Variants in LMTK2 observed in about 807,000 individuals in gnomAD.
LMTK2 encodes the protein serine/threonine-protein kinase LMTK2.
LMTK2 carries 37 observed loss-of-function variants against 127.5 expected under a neutral mutation model. The observed-to-expected ratio is 0.29, with a 90% CI of 0.22 to 0.38. LMTK2 has a LOEUF of 0.38. Among genes scored for constraint, LMTK2 ranks in the 10% least tolerant of loss-of-function variants. LMTK2 has a pLI of 1.00. For missense variants in LMTK2, 1,694 were observed against 1,920.3 expected, an observed-to-expected ratio of 0.88 and a Z score of 2.20; for synonymous variants, 819 against 810.1, an observed-to-expected ratio of 1.01 and a Z score of -0.19.
chr7:98,132,596 A>G (rs1170367084), intron 1 of LMTK2, among the ~76,000 whole-genome samples: 1 of 152,058 alleles, frequency 6.6e-6, no homozygotes, highest in Non-Finnish European at 1.5e-5. Flanking sequence ...TGAAGTATCT[A>G]GTCTGCCTTT....
At chr7:98,180,501 A>G (rs1797340092) in intron 7 of LMTK2, among the ~76,000 whole-genome samples, 1 of 152,244 alleles carries the variant, frequency 6.6e-6, no homozygotes. Context: ...GTTCCTTTAG[A>G]AAAAGTAGTT....
chr7:98,164,407 G>A (rs1797062405), intron 6 of LMTK2, among the ~76,000 whole-genome samples: 2 of 152,184 alleles, frequency 1.3e-5, no homozygotes, highest in Non-Finnish European at 2.9e-5. Flanking sequence ...CTGCTCGGAT[G>A]TTCATTCTGC....
intron 3 of LMTK2, among the ~76,000 whole-genome samples, chr7:98,142,733 G>A (rs1237282655): frequency 1.3e-5 from 2 of 152,226 alleles, no homozygotes; most frequent in African/African-American, 2.4e-5. Flanking sequence ...GACCCAGACC[G>A]TAGGAAGAAC....
At chr7:98,190,945 A>T in intron 10 of LMTK2, 68 bp downstream of exon 10, 1 of 1,456,924 alleles carries the variant, frequency 6.9e-7, no homozygotes, top group Non-Finnish European at 9.5e-7. Context: ...AACACAAAAA[A>T]ATTCGTGGGC....
intron 11 of LMTK2, among the ~76,000 whole-genome samples, chr7:98,195,425 G>A (rs1250891933): frequency 6.6e-6 from 1 of 151,954 alleles, no homozygotes; most frequent in Non-Finnish European, 1.5e-5. Context: ...GAGTGGGCAT[G>A]GATTTAGGCT....
intron 1 of LMTK2, among the ~76,000 whole-genome samples, chr7:98,108,610 T>C (rs1796152238): frequency 6.6e-6 from 1 of 152,170 alleles, no homozygotes; most frequent in Non-Finnish European, 1.5e-5. Flanking sequence ...TGTTATCAGA[T>C]GTGTATAGGC....
chr7:98,204,334 A>AGCTGATGATGGGAGT, intron 13 of LMTK2, 148 bp downstream of exon 13: 1 of 1,073,158 alleles, frequency 9.3e-7, no homozygotes. Context: ...TAAAACTCCC[A>AGCTGATGATGGGAGT]TCATCAGCTG....
chr7:98,179,287 C>T (rs376075574), intron 7 of LMTK2, among the ~76,000 whole-genome samples: 46 of 152,338 alleles, frequency 3.0e-4, no homozygotes, highest in Non-Finnish European at 6.3e-4. Flanking sequence ...TGCCTGAGCT[C>T]GACATCGCCC....
chr7:98,118,596 C>T (rs1000216356), intron 1 of LMTK2, among the ~76,000 whole-genome samples: 1 of 152,060 alleles, frequency 6.6e-6, no homozygotes, highest in Non-Finnish European at 1.5e-5. Context: ...AGTGGACCCT[C>T]GTGTTCCCGT....
chr7:98,195,851 G>A lies in LMTK2; in HGVS notation c.4107+1279G>A, dbSNP rs573386445. Among the ~76,000 whole-genome samples the A allele has an allele frequency of 1.2e-4, 19 of 152,232 alleles. No individual in the cohort carries two copies. The South Asian group carries it at 3.1e-3, about 25-fold the overall frequency. On this transcript the variant is annotated intron_variant, in intron 11 of 13. Coordinates refer to ENST00000297293, the MANE Select transcript of LMTK2 (RefSeq NM_014916.4). The stretch of plus-strand genomic sequence containing the variant: ...TTCTTTAAAAATCGTTAAATCACCC[G>A]CATTTGAGCTATAGCATATATGGCG...
At chr7:98,145,204 T>G (rs1232096200) in intron 3 of LMTK2, among the ~76,000 whole-genome samples, 3 of 151,834 alleles carry the variant, frequency 2.0e-5, no homozygotes. Context: ...TTTAGGATGC[T>G]AACTGTAATC....
rs777071107 is a variant in LMTK2, at chr7:98,204,059, G to A, written c.4356G>A (p.Pro1452=). 92 of 1,613,822 alleles carry A rather than the reference G, an allele frequency of 5.7e-5. No individual in the cohort carries two copies. Among genetic ancestry groups the A allele is most frequent in the Non-Finnish European group, 6.9e-5 (81 of 1,180,042 alleles). ...AAACATCCAAGTACTTTTCTCCGCCGCCACCGGCCCGGAGCACGGAGCAGA... is the reference window on the plus strand; with the variant it reads ...AAACATCCAAGTACTTTTCTCCGCCACCACCGGCCCGGAGCACGGAGCAGA... ...SLQTSKYFSP[P]PPARSTEQSW... Residue 1452 remains proline, a synonymous_variant, in exon 13 of 14, where the codon CCG becomes CCA. Transcript: ENST00000297293.
At chr7:98,147,875 A>G (rs1270414872) in intron 3 of LMTK2, among the ~76,000 whole-genome samples, 1 of 152,144 alleles carries the variant, frequency 6.6e-6, no homozygotes, top group African/African-American at 2.4e-5. Context: ...TTCTTTGTCC[A>G]TCATTTCCTT....
chr7:98,205,392 C>T, intron 13 of LMTK2, 72 bp from the exon 14 acceptor site: 1 of 1,564,410 alleles, frequency 6.4e-7, no homozygotes. Context: ...AGCGCACATG[C>T]CATCCACGCC....
At chr7:98,203,892 C>T (rs1797746956) in intron 12 of LMTK2, 52 bp from the exon 13 acceptor site, 1 of 1,605,250 alleles carries the variant, frequency 6.2e-7, no homozygotes, top group Non-Finnish European at 8.5e-7. Context: ...GGCTCCCCCT[C>T]TCCCTCATCA....
chr7:98,165,936 G>A (rs781703017), intron 6 of LMTK2, among the ~76,000 whole-genome samples: 1 of 152,072 alleles, frequency 6.6e-6, no homozygotes. Flanking sequence ...CTGGACAACC[G>A]CATGGGTTGA....
chr7:98,130,569 G>T (rs1465294053), intron 1 of LMTK2, among the ~76,000 whole-genome samples: 1 of 152,224 alleles, frequency 6.6e-6, no homozygotes, highest in Non-Finnish European at 1.5e-5. Context: ...TGGAGAGAGG[G>T]TCTTTACGGG....
chr7:98,198,876 C>T (rs1235303065), intron 11 of LMTK2, among the ~76,000 whole-genome samples: 2 of 152,120 alleles, frequency 1.3e-5, no homozygotes, highest in African/African-American at 4.8e-5. Context: ...CGTTTTCATT[C>T]AGATCAAAAA....
intron 2 of LMTK2, among the ~76,000 whole-genome samples, chr7:98,139,732 C>G (rs1371674383): frequency 1.3e-5 from 2 of 152,186 alleles, no homozygotes; most frequent in Middle Eastern, 3.2e-3. Flanking sequence ...TGTCTTCTCA[C>G]ACGCATATGG....
Sources: gnomAD v4.1 joint callset for allele counts (sites outside exome capture counted in the v4.1 genomes callset) on GRCh38, gnomAD v4.1.1 for gene constraint, MANE v1.5 for transcripts, NCBI Gene and HGNC (gene_info 2026-07-23, HGNC 2026-07-21) for gene names.